The following NREP variants were observed in gnomAD, a reference collection of about 807,000 sequenced individuals.
The protein encoded by NREP is neuronal regeneration related protein, also known as neuronal regeneration-related protein.
Under a neutral mutation model 8.6 loss-of-function variants are expected in NREP, and 5 were observed. The ratio of observed to expected loss-of-function variants is 0.58; its 90% CI spans 0.30 to 1.22. NREP has a LOEUF of 1.22. Among genes scored for constraint, NREP ranks in the 50% most tolerant of loss-of-function variants. The pLI, the probability that NREP is intolerant of heterozygous loss-of-function variation, is 0.07. For missense variants in NREP, 86 were observed against 82.5 expected (o/e 1.04, Z -0.17); for synonymous variants, 27 against 28.0 (o/e 0.96, Z 0.11).
intron 2 of NREP, among the ~76,000 whole-genome samples, chr5:111,921,747 T>A (rs1403010966): frequency 6.6e-6 from 1 of 152,146 alleles, no homozygotes; most frequent in Non-Finnish European, 1.5e-5. Context: ...AATCTCAACT[T>A]GAATTGTATC....
At chr5:111,975,765 C>T (rs1383481465) in intron 1 of NREP, among the ~76,000 whole-genome samples, 1 of 152,156 alleles carries the variant, frequency 6.6e-6, no homozygotes, top group Non-Finnish European at 1.5e-5. Flanking sequence ...TGCTTAAAAC[C>T]TGACATCAAA....
At chr5:111,908,151 T>C (rs528101833) in intron 2 of NREP, among the ~76,000 whole-genome samples, 1 of 137,804 alleles carries the variant, frequency 7.3e-6, no homozygotes, top group Admixed American at 7.4e-5. Context: ...CTTCATTGAT[T>C]ATTAGTGTTA....
chr5:111,973,961 A>T (rs1392866507), intron 2 of NREP, among the ~76,000 whole-genome samples: 1 of 152,242 alleles, frequency 6.6e-6, no homozygotes, highest in East Asian at 1.9e-4. Context: ...ATGTACACAT[A>T]TATCAGTACA....
intron 2 of NREP, among the ~76,000 whole-genome samples, chr5:111,814,996 G>T (rs1406119950): frequency 6.6e-6 from 1 of 151,678 alleles, no homozygotes; most frequent in East Asian, 1.9e-4. Context: ...AAAGGAACTG[G>T]TGTAATAAAA....
At chr5:111,963,164 C>A (rs1340549467) in intron 2 of NREP, among the ~76,000 whole-genome samples, 1 of 152,262 alleles carries the variant, frequency 6.6e-6, no homozygotes, top group Non-Finnish European at 1.5e-5. Flanking sequence ...TCAGGGGTCA[C>A]AGGCACCCCC....
At chr5:111,759,612 A>G (rs1750914063), upstream of NREP, among the ~76,000 whole-genome samples, 1 of 151,802 alleles carries the variant, frequency 6.6e-6, no homozygotes, top group African/African-American at 2.4e-5. Context: ...TATTAAGAAC[A>G]CTGGGTCAGA....
chr5:111,877,676 G>A (rs1159805475), intron 2 of NREP, among the ~76,000 whole-genome samples: 1 of 152,192 alleles, frequency 6.6e-6, no homozygotes, highest in Non-Finnish European at 1.5e-5. Flanking sequence ...TTTGAACACT[G>A]TTTGGAATCT....
chr5:111,940,954 G>A (rs1242035924), intron 2 of NREP, among the ~76,000 whole-genome samples: 1 of 152,082 alleles, frequency 6.6e-6, no homozygotes, highest in Non-Finnish European at 1.5e-5. Context: ...GTCATATAAT[G>A]TCTTCAATAA....
chr5:111,753,786 A>G (rs1321392934), intron 2 of NREP, among the ~76,000 whole-genome samples: 1 of 152,188 alleles, frequency 6.6e-6, no homozygotes, highest in Non-Finnish European at 1.5e-5. Context: ...CCAGTTACAG[A>G]GGTCCACAAA....
At chr5:111,874,666 GA>G (rs1753864713) in intron 2 of NREP, among the ~76,000 whole-genome samples, 1 of 152,182 alleles carries the variant, frequency 6.6e-6, no homozygotes, top group African/African-American at 2.4e-5. Flanking sequence ...TAGAGGAAGA[GA>G]GACACTTCTC....
intron 2 of NREP, among the ~76,000 whole-genome samples, chr5:111,924,847 T>C (rs544695792): frequency 2.0e-5 from 3 of 152,258 alleles, no homozygotes; most frequent in African/African-American, 7.2e-5. Context: ...TGGGTTAATA[T>C]TGGTTTACAC....
At chr5:111,872,185 T>G (rs996305268) in intron 2 of NREP, among the ~76,000 whole-genome samples, 1 of 151,674 alleles carries the variant, frequency 6.6e-6, no homozygotes, top group African/African-American at 2.4e-5. Flanking sequence ...ACCCAGAGAG[T>G]TGATGGTGTC....
chr5:111,856,140 G>A (rs149616737), intron 2 of NREP, among the ~76,000 whole-genome samples: 3 of 152,276 alleles, frequency 2.0e-5, no homozygotes, highest in African/African-American at 4.8e-5. Context: ...GGTTTCCAGC[G>A]AGGATGCTGT....
At chr5:111,942,787 G>A (rs1755865463) in intron 2 of NREP, among the ~76,000 whole-genome samples, 1 of 152,042 alleles carries the variant, frequency 6.6e-6, no homozygotes, top group Non-Finnish European at 1.5e-5. Context: ...GGACTCAAAA[G>A]TCAGAATGCC....
rs139303129 is a variant in NREP at position 111,967,058 on chromosome 5, G to C, written c.135+8216C>G. Among the ~76,000 whole-genome samples the C allele has an allele frequency of 1.7e-3, 264 of 152,224 alleles. 3 individuals carry two copies. The highest frequency in any genetic ancestry group is 0.01 in the Admixed American group (157 of 15,288). ...CTGTTGTCAAACAAAATGCCCATTTGGGGTACTTTTTGTCATCTATTGGGT... is the reference window on the plus strand; with the variant it reads ...CTGTTGTCAAACAAAATGCCCATTTCGGGTACTTTTTGTCATCTATTGGGT... On this transcript the variant is annotated intron_variant, in intron 2 of 3. Coordinates refer to the NREP transcript ENST00000395634.
chr5:111,889,701 G>A lies in NREP; in HGVS notation c.135+85573C>T, dbSNP rs150464443. On this transcript the variant is annotated intron_variant, in intron 2 of 3. Coordinates refer to the NREP transcript ENST00000395634. Reference sequence around the variant, plus strand: ...AATGGGGGTACTGTCACATGCGTCCGTGTGAAGAGAATCCACCAGCAGGCT... The same window carrying A: ...AATGGGGGTACTGTCACATGCGTCCATGTGAAGAGAATCCACCAGCAGGCT... Among the ~76,000 whole-genome samples the A allele has an allele frequency of 7.7e-3, 1,165 of 152,240 alleles. 23 individuals are homozygous for A. Among genetic ancestry groups the A allele is most frequent in the African/African-American group, 0.027 (1,115 of 41,534 alleles).
intron 2 of NREP, among the ~76,000 whole-genome samples, chr5:111,971,368 CAGA>C (rs1756813237): frequency 6.6e-6 from 1 of 152,046 alleles, no homozygotes; most frequent in South Asian, 2.1e-4. Flanking sequence ...TATGAAAGCA[CAGA>C]AGACCTTGAG....
intron 2 of NREP, among the ~76,000 whole-genome samples, chr5:111,883,487 C>T (rs1010271723): frequency 1.3e-5 from 2 of 152,190 alleles, no homozygotes; most frequent in Non-Finnish European, 2.9e-5. Context: ...TAGACATCTA[C>T]AGAACTCTCC....
At chr5:111,871,519 T>G (rs2112497009) in intron 2 of NREP, among the ~76,000 whole-genome samples, 1 of 152,220 alleles carries the variant, frequency 6.6e-6, no homozygotes, top group African/African-American at 2.4e-5. Context: ...ATAGTTTTAT[T>G]TCTCTAATAA....
Sources: gnomAD v4.1 joint callset for allele counts (sites outside exome capture counted in the v4.1 genomes callset) on GRCh38, gnomAD v4.1.1 for gene constraint, MANE v1.5 for transcripts, NCBI Gene and HGNC (gene_info 2026-07-23, HGNC 2026-07-21) for gene names.